Variants in MTRR observed in about 807,000 individuals in gnomAD.
The protein encoded by MTRR is methionine synthase reductase.
A neutral mutation model predicts 79.2 loss-of-function variants in MTRR; 63 were observed. The observed-to-expected ratio is 0.80, with a 90% CI of 0.65 to 0.98. The LOEUF (loss-of-function observed/expected upper bound fraction) is 0.98. Among genes scored for constraint, MTRR ranks in the 50% least tolerant of loss-of-function variants. MTRR has a pLI of 0.00. For missense variants in MTRR, 895 were observed against 839.6 expected, an observed-to-expected ratio of 1.07 and a Z score of -0.82; for synonymous variants, 355 against 313.3, an observed-to-expected ratio of 1.13 and a Z score of -1.41.
intron 10 of MTRR, 93 bp from the exon 11 acceptor site, chr5:7,892,634 G>A: frequency 1.5e-6 from 2 of 1,355,316 alleles, no homozygotes; most frequent in Non-Finnish European, 2.1e-6. Flanking sequence ...AGCCTATAAG[G>A]AAATATTTCT....
Position 7,892,787 on chromosome 5 carries a change from T to G in MTRR, c.1431T>G (p.Ser477=), listed in dbSNP as rs896702427. ...HFVFNIVEFL[S]TATTEVLRKG... ...TCTTCAACATTGTGGAATTTCTGTC[T>G]ACTGCCACAACAGAGGTTCTGCGGA... Residue 477 remains serine (S), a synonymous_variant, in exon 11 of 15, where the codon TCT becomes TCG. Transcript: ENST00000440940. 5 of 1,614,262 alleles carry G rather than the reference T, an allele frequency of 3.1e-6. No individual in the cohort carries two copies. The highest frequency in any genetic ancestry group is 4.2e-6 in the Non-Finnish European group (5 of 1,180,042).
chr5:7,898,873 G>T (rs1416847290), intron 14 of MTRR, among the ~76,000 whole-genome samples: 1 of 152,116 alleles, frequency 6.6e-6, no homozygotes, highest in Non-Finnish European at 1.5e-5. Context: ...TAGATACGAG[G>T]ATATATTAGT....
At chr5:7,883,316 T>G in intron 6 of MTRR, 39 bp downstream of exon 6, 1 of 1,613,462 alleles carries the variant, frequency 6.2e-7, no homozygotes, top group Non-Finnish European at 8.5e-7. Context: ...AGTAATATTG[T>G]CAGGATGTGC....
intron 1 of MTRR, chr5:7,870,520 C>G: frequency 2.2e-6 from 1 of 449,800 alleles, no homozygotes; most frequent in Non-Finnish European, 4.1e-6. Context: ...AGATTCAAGC[C>G]CAAGTAGTTT....
rs148984781 is a variant in MTRR at position 7,869,165 on chromosome 5, G to A, written c.-76G>A. 73 of 1,612,650 alleles carry A rather than the reference G, an allele frequency of 4.5e-5. No homozygotes were observed. Among genetic ancestry groups the A allele is most frequent in the Non-Finnish European group, 5.9e-5 (70 of 1,179,840 alleles). On this transcript the variant is annotated 5_prime_UTR_variant, in exon 1 of 15. Transcript: ENST00000440940. ...GCTGCGTCAGTGCGCGCTGGCGCAA[G>A]GTTGGTGGAAGTCGCGTTGTGCAGG...
upstream of MTRR, chr5:7,867,449 C>T: frequency 6.2e-7 from 1 of 1,614,200 alleles, no homozygotes; most frequent in African/African-American, 1.3e-5. Context: ...AACTTCCATG[C>T]CACCTTTTCT....
chr5:7,891,244 A>T (rs1737494296), intron 9 of MTRR, 128 bp from the exon 10 acceptor site: 12 of 656,318 alleles, frequency 1.8e-5, no homozygotes, highest in Non-Finnish European at 3.1e-5. Context: ...CTTAACTATG[A>T]TTTAAAACTA....
At chr5:7,876,432 C>G (rs965965262) in intron 4 of MTRR, among the ~76,000 whole-genome samples, 1 of 152,232 alleles carries the variant, frequency 6.6e-6, no homozygotes, top group African/African-American at 2.4e-5. Flanking sequence ...AGGCCCATCA[C>G]TCATCCATAT....
chr5:7,877,070 A>C (rs1734689042), intron 4 of MTRR, among the ~76,000 whole-genome samples: 1 of 152,194 alleles, frequency 6.6e-6, no homozygotes, highest in Non-Finnish European at 1.5e-5. Context: ...TGACAACCTG[A>C]GTCATAATGA....
chr5:7,875,956 A>T lies in MTRR; in HGVS notation c.401+581A>T, dbSNP rs1354557663. ...ATTTCACCCATTGTGCCACCTTTCA[A>T]ATCATCCTGATGTGTTTATTCAGTG... On this transcript the variant is annotated intron_variant, in intron 4 of 14. Transcript: ENST00000440940. Among the ~76,000 whole-genome samples, 7 of 152,210 alleles carry T rather than the reference A, an allele frequency of 4.6e-5. No individual in the cohort carries two copies. The East Asian group carries it at 1.3e-3, about 29-fold the overall frequency.
intron 12 of MTRR, chr5:7,896,293 G>A (rs1045487626): frequency 5.3e-6 from 1 of 188,400 alleles, no homozygotes; most frequent in African/African-American, 2.4e-5. Context: ...CAGAACAGAA[G>A]TATTTGATAT....
At chr5:7,887,113 C>T (rs1037522912) in intron 8 of MTRR, among the ~76,000 whole-genome samples, 1 of 152,084 alleles carries the variant, frequency 6.6e-6, no homozygotes, top group East Asian at 1.9e-4. Context: ...GCGTAGGATT[C>T]CCCCCAACCA....
chr5:7,858,927 T>TA (rs888210312), intron 1 of MTRR, among the ~76,000 whole-genome samples: 1 of 151,986 alleles, frequency 6.6e-6, no homozygotes, highest in Admixed American at 6.6e-5. Context: ...AAATATTTAT[T>TA]AAAAAAAAGT....
rs1292256957 is a variant in MTRR at position 7,883,413 on chromosome 5, T to C, written c.903+136T>C. On this transcript the variant is annotated intron_variant, in intron 6 of 14. Coordinates refer to ENST00000440940, the MANE Select transcript of MTRR (RefSeq NM_002454.3). Reference sequence around the variant, plus strand: ...CTGAGTTGTGTGCGGCTTGGTTACATGTGCTGAGTTGTGTGGTGCTTGGTT... The same window carrying C: ...CTGAGTTGTGTGCGGCTTGGTTACACGTGCTGAGTTGTGTGGTGCTTGGTT... 13 of 1,105,126 alleles carry C rather than the reference T, an allele frequency of 1.2e-5. No individual in the cohort carries two copies. The South Asian group carries it at 1.4e-4, about 12-fold the overall frequency. The allele number at this position is 1,105,126 out of a possible 1,614,324, so 68.5% of individuals were successfully genotyped here. A position where few individuals can be genotyped will look rare whatever the true frequency, so the allele number is the denominator to read the frequency against.
At chr5:7,863,912 G>A (rs567952738) in intron 2 of MTRR, among the ~76,000 whole-genome samples, 1 of 152,004 alleles carries the variant, frequency 6.6e-6, no homozygotes, top group Non-Finnish European at 1.5e-5. Flanking sequence ...GTACAATGAC[G>A]CGACCTCGGC....
At chr5:7,877,816 G>A (rs941436638) in intron 4 of MTRR, 128 bp from the exon 5 acceptor site, 9 of 1,260,276 alleles carry the variant, frequency 7.1e-6, no homozygotes, top group African/African-American at 4.4e-5. Flanking sequence ...TTTGTATTCC[G>A]AATGGTCTTC....
At chr5:7,892,701 C>T in intron 10 of MTRR, 26 bp from the exon 11 acceptor site, 1 of 1,613,396 alleles carries the variant, frequency 6.2e-7, no homozygotes, top group East Asian at 2.2e-5. Flanking sequence ...ATATCGAGTT[C>T]AAAACTTGTC....
At chr5:7,855,017 T>C (rs1214866456) in intron 1 of MTRR, among the ~76,000 whole-genome samples, 2 of 152,204 alleles carry the variant, frequency 1.3e-5, no homozygotes, top group Non-Finnish European at 2.9e-5. Context: ...CAGATAGATA[T>C]AGAAACAAGT....
intron 6 of MTRR, among the ~76,000 whole-genome samples, chr5:7,883,498 CAT>C (rs1735921515): frequency 1.6e-5 from 2 of 122,672 alleles, no homozygotes; most frequent in African/African-American, 6.0e-5. Context: ...TGCTTGGTTA[CAT>C]ATGCTGAGTT....
Sources: gnomAD v4.1 joint callset for allele counts (sites outside exome capture counted in the v4.1 genomes callset) on GRCh38, gnomAD v4.1.1 for gene constraint, MANE v1.5 for transcripts, NCBI Gene and HGNC (gene_info 2026-07-23, HGNC 2026-07-21) for gene names.